NALF1: variants seen among roughly 807,000 people sequenced by gnomAD.
NALF1 encodes the protein family with sequence similarity 155 member A.
NALF1 carries 3 observed loss-of-function variants against 48.4 expected under a neutral mutation model. The observed-to-expected ratio is 0.06, with a 90% confidence interval of 0.03 to 0.16. The LOEUF is 0.16. Ranked by LOEUF, NALF1 falls within the 10% of genes least tolerant of loss-of-function variation. The pLI is 1.00. For missense variants in NALF1, 526 were observed against 571.5 expected, an observed-to-expected ratio of 0.92 and a Z score of 0.81; for synonymous variants, 262 against 245.7, an observed-to-expected ratio of 1.07 and a Z score of -0.62.
intron 1 of NALF1, among the ~76,000 whole-genome samples, chr13:107,692,157 T>G (rs1346136613): frequency 6.6e-6 from 1 of 152,206 alleles, no homozygotes; most frequent in Admixed American, 6.5e-5. Context: ...TCTTATTACT[T>G]AAAATCATTA....
At chr13:107,371,359 A>G (rs1259871186) in intron 1 of NALF1, among the ~76,000 whole-genome samples, 1 of 152,164 alleles carries the variant, frequency 6.6e-6, no homozygotes, top group African/African-American at 2.4e-5. Flanking sequence ...AGGTAGAAGG[A>G]TCGCTTGAGC....
At chr13:107,667,006 T>A (rs1371304104) in intron 1 of NALF1, among the ~76,000 whole-genome samples, 1 of 152,114 alleles carries the variant, frequency 6.6e-6, no homozygotes, top group Non-Finnish European at 1.5e-5. Flanking sequence ...TTACATAATA[T>A]GCATTTTCCA....
chr13:107,532,079 G>A (rs1876656755), intron 1 of NALF1, among the ~76,000 whole-genome samples: 1 of 151,998 alleles, frequency 6.6e-6, no homozygotes. Context: ...TTTCTTAACT[G>A]ACTTACAAGC....
chr13:107,840,659 C>A (rs573886109), intron 1 of NALF1, among the ~76,000 whole-genome samples: 1 of 152,130 alleles, frequency 6.6e-6, no homozygotes, highest in Admixed American at 6.6e-5. Flanking sequence ...TTCTATTCCT[C>A]GACAGTGAAG....
At chr13:107,353,580 A>C (rs1882911989) in intron 1 of NALF1, among the ~76,000 whole-genome samples, 2 of 152,216 alleles carry the variant, frequency 1.3e-5, no homozygotes, top group Admixed American at 1.3e-4. Context: ...AGAAGTTCAT[A>C]ATTCAGAATT....
chr13:107,594,861 T>C lies in NALF1; in HGVS notation c.915+270821A>G, dbSNP rs193255539. On this transcript the variant is annotated intron_variant, in intron 1 of 2. Transcript: ENST00000375915. ...ATTCACAATGTACCCTTGTAACAAA[T>C]CTATACACGTATATCTGAATCAAAA... 3.3e-5 allele frequency among the ~76,000 whole-genome samples: 5 copies of C among 152,026 alleles called. No homozygotes were observed. In the East Asian group the frequency reaches 7.7e-4, roughly 24 times the overall value.
intron 1 of NALF1, among the ~76,000 whole-genome samples, chr13:107,508,672 A>G (rs1290558279): frequency 6.6e-6 from 1 of 152,068 alleles, no homozygotes; most frequent in Non-Finnish European, 1.5e-5. Context: ...GCAGTTTGCT[A>G]AAAAAGCAGC....
intron 1 of NALF1, among the ~76,000 whole-genome samples, chr13:107,670,648 T>C (rs1198205687): frequency 2.0e-5 from 3 of 152,250 alleles, no homozygotes; most frequent in South Asian, 4.1e-4. Context: ...CCAGCTCTTC[T>C]AGATTACAGG....
intron 1 of NALF1, among the ~76,000 whole-genome samples, chr13:107,309,553 A>T (rs117894044): frequency 0.013 from 2,026 of 152,298 alleles, 15 homozygotes; most frequent in Non-Finnish European, 0.02. Context: ...TATCCATAAA[A>T]GAGGTCTACA....
chr13:107,628,530 T>TCAA (rs1879746309), intron 1 of NALF1, among the ~76,000 whole-genome samples: 1 of 152,176 alleles, frequency 6.6e-6, no homozygotes, highest in Non-Finnish European at 1.5e-5. Flanking sequence ...CTCAAGATAC[T>TCAA]GTACCCATTA....
intron 1 of NALF1, among the ~76,000 whole-genome samples, chr13:107,864,918 T>A (rs1880667925): frequency 6.6e-6 from 1 of 152,204 alleles, no homozygotes; most frequent in African/African-American, 2.4e-5. Flanking sequence ...TTTAACTACA[T>A]CATCAACGTT....
At chr13:107,497,379 T>C (rs2139074719) in intron 1 of NALF1, among the ~76,000 whole-genome samples, 1 of 152,292 alleles carries the variant, frequency 6.6e-6, no homozygotes, top group East Asian at 1.9e-4. Flanking sequence ...TGACCTAAAC[T>C]TATATTTTTA....
intron 1 of NALF1, among the ~76,000 whole-genome samples, chr13:107,323,429 T>C (rs1336301150): frequency 6.6e-6 from 1 of 152,204 alleles, no homozygotes; most frequent in Non-Finnish European, 1.5e-5. Flanking sequence ...TGTTGTTTAT[T>C]TTTGGAGATT....
chr13:107,640,736 TG>T (rs1179397472), intron 1 of NALF1, among the ~76,000 whole-genome samples: 1 of 152,200 alleles, frequency 6.6e-6, no homozygotes. Context: ...GAAATATATT[TG>T]GTATTTGTGT....
At chr13:107,735,134 T>C (rs572172776) in intron 1 of NALF1, among the ~76,000 whole-genome samples, 2 of 151,986 alleles carry the variant, frequency 1.3e-5, no homozygotes, top group Non-Finnish European at 2.9e-5. Context: ...TAAATCCAAT[T>C]GCATGGGCCT....
At chr13:107,225,579 A>G (rs1484264320) in intron 1 of NALF1, among the ~76,000 whole-genome samples, 1 of 144,684 alleles carries the variant, frequency 6.9e-6, no homozygotes, top group Non-Finnish European at 1.5e-5. Flanking sequence ...ACCTGGCCTC[A>G]GGTGACATTT....
chr13:107,641,042 T>C (rs1880141184), intron 1 of NALF1, among the ~76,000 whole-genome samples: 1 of 152,222 alleles, frequency 6.6e-6, no homozygotes, highest in Non-Finnish European at 1.5e-5. Flanking sequence ...AACTAAAATA[T>C]GGTATTGACA....
chr13:107,806,541 A>C (rs1878796889), intron 1 of NALF1, among the ~76,000 whole-genome samples: 2 of 152,118 alleles, frequency 1.3e-5, no homozygotes. Flanking sequence ...ATTTATCTTT[A>C]AATATGGTGT....
intron 1 of NALF1, among the ~76,000 whole-genome samples, chr13:107,774,430 A>C (rs1266589961): frequency 2.0e-5 from 3 of 152,226 alleles, no homozygotes; most frequent in Non-Finnish European, 4.4e-5. Flanking sequence ...CAAAATCCTA[A>C]GAAATTACAT....
Sources: gnomAD v4.1 joint callset for allele counts (sites outside exome capture counted in the v4.1 genomes callset) on GRCh38, gnomAD v4.1.1 for gene constraint, MANE v1.5 for transcripts, NCBI Gene and HGNC (gene_info 2026-07-23, HGNC 2026-07-21) for gene names.